The following ARHGAP5 variants were observed in gnomAD, a reference collection of about 807,000 sequenced individuals.
The protein encoded by ARHGAP5 is Rho GTPase activating protein 5, also known as rho GTPase-activating protein 5.
A neutral mutation model predicts 116.6 loss-of-function variants in ARHGAP5; 23 were observed. The ratio of observed to expected loss-of-function variants is 0.20; its 90% confidence interval spans 0.14 to 0.28. ARHGAP5 has a LOEUF of 0.28. Ranked by LOEUF, ARHGAP5 falls within the 10% of genes least tolerant of loss-of-function variation. ARHGAP5 has a pLI of 1.00. For missense variants in ARHGAP5, 1,405 were observed against 1,774.8 expected, an observed-to-expected ratio of 0.79 and a Z score of 3.74; for synonymous variants, 574 against 602.0, an observed-to-expected ratio of 0.95 and a Z score of 0.68.
At chr14:32,077,748 G>C (rs2041723476) in intron 1 of ARHGAP5, among the ~76,000 whole-genome samples, 1 of 152,090 alleles carries the variant, frequency 6.6e-6, no homozygotes, top group African/African-American at 2.4e-5. Context: ...GCCCCGCCAG[G>C]CGTCCGCTCT....
Position 32,094,216 on chromosome 14 carries a change from A to C in ARHGAP5, c.3547A>C (p.Thr1183Pro). ...SDASDDEAFTTSKTKRKGRHR... is the reference protein window; with the variant it reads ...SDASDDEAFTPSKTKRKGRHR... ...TGCCAGTGATGATGAGGCTTTCACC[A>C]CTTCTAAAACAAAAAGAAAAGGAAG... The change falls in exon 2 of 7, where the codon ACT becomes CCT. Residue 1183 changes from threonine to proline, a missense_variant. Thr to Pro is a conservative substitution (Grantham distance 38). This residue lies in a region of ARHGAP5 where 944 missense variants were observed against 1,095.3 expected (regional missense o/e 0.86). Coordinates refer to ENST00000345122, the MANE Select transcript of ARHGAP5 (RefSeq NM_001030055.2). 1 of 1,612,754 alleles carries C rather than the reference A, an allele frequency of 6.2e-7. No individual in the cohort carries two copies. The highest frequency in any genetic ancestry group is 8.5e-7 in the Non-Finnish European group (1 of 1,179,770).
intron 3 of ARHGAP5, among the ~76,000 whole-genome samples, chr14:32,144,839 A>G (rs1421150020): frequency 6.6e-6 from 1 of 151,908 alleles, no homozygotes; most frequent in Non-Finnish European, 1.5e-5. Context: ...GAAACTTCCT[A>G]TTTTTCAAGT....
intron 3 of ARHGAP5, among the ~76,000 whole-genome samples, chr14:32,140,606 ATGT>A (rs2139127444): frequency 6.6e-6 from 1 of 152,228 alleles, no homozygotes; most frequent in Non-Finnish European, 1.5e-5. Flanking sequence ...AGAAAAAAGA[ATGT>A]TGTTTAATTT....
rs1006524051 is a variant in ARHGAP5, at chr14:32,158,955, A to G, written c.*4007A>G. On this transcript the variant is annotated 3_prime_UTR_variant, in exon 7 of 7. Coordinates refer to ENST00000345122, the MANE Select transcript of ARHGAP5 (RefSeq NM_001030055.2). ...TTCAATTGATCCTCATCATTGTCCT[A>G]TTTGCATGACTCCATTTTTTCCTCC... 3.9e-5 allele frequency: 6 copies of G among 151,998 alleles called. No individual in the cohort carries two copies. Among genetic ancestry groups the G allele is most frequent in the African/African-American group, 9.7e-5 (4 of 41,418 alleles). The allele number at this position is 151,998 out of a possible 1,614,324, so 9.4% of individuals were successfully genotyped here. A position where few individuals can be genotyped will look rare whatever the true frequency, so the allele number is the denominator to read the frequency against.
In ARHGAP5 at chr14:32,130,601, C is replaced by A. The variant is rs555960503; in HGVS notation, c.3865+13314C>A. Among the ~76,000 whole-genome samples, 9 of 151,460 alleles carry A rather than the reference C, an allele frequency of 5.9e-5. No homozygotes were observed. The South Asian group carries it at 1.5e-3, about 25-fold the overall frequency. ...TGTCGCCCAGTCTGGAGTGCAGTGG[C>A]GCGATCTCAGCTCACTGCAACCTCC... On this transcript the variant is annotated intron_variant, in intron 3 of 6. Coordinates refer to ENST00000345122, the MANE Select transcript of ARHGAP5 (RefSeq NM_001030055.2).
chr14:32,152,613 C>A, intron 6 of ARHGAP5, 85 bp downstream of exon 6: 1 of 735,132 alleles, frequency 1.4e-6, no homozygotes, highest in Non-Finnish European at 2.2e-6. Context: ...GGATAATTAT[C>A]AGATAGAAAA....
Position 32,112,601 on chromosome 14 carries a change from G to A in ARHGAP5, c.3718-4539G>A, listed in dbSNP as rs375033150. ...AAAAATTGGATTTTCGGTAGGGCGC[G>A]GTGGCTCACGCCTATAATCCCAGCA... On this transcript the variant is annotated intron_variant, in intron 2 of 6. Transcript: ENST00000345122. Among the ~76,000 whole-genome samples the A allele has an allele frequency of 5.3e-5, 8 of 152,248 alleles. No individual in the cohort carries two copies. In the South Asian group the frequency reaches 1.2e-3, roughly 24 times the overall value.
At chr14:32,110,180 G>A (rs909887208) in intron 2 of ARHGAP5, among the ~76,000 whole-genome samples, 5 of 150,440 alleles carry the variant, frequency 3.3e-5, no homozygotes, top group South Asian at 2.1e-4. Context: ...TCCTGCCCTT[G>A]TGTAGAGCTT....
chr14:32,138,572 C>T (rs1880934050), intron 3 of ARHGAP5, among the ~76,000 whole-genome samples: 1 of 152,244 alleles, frequency 6.6e-6, no homozygotes, highest in African/African-American at 2.4e-5. Flanking sequence ...GCGTGAGCCA[C>T]TGCGCCTGGC....
chr14:32,135,906 G>A (rs1401377405), intron 3 of ARHGAP5, among the ~76,000 whole-genome samples: 1 of 152,200 alleles, frequency 6.6e-6, no homozygotes, highest in African/African-American at 2.4e-5. Flanking sequence ...ACTGATGAAT[G>A]TAGGATATGT....
At position 32,093,453 on chromosome 14, in the gene ARHGAP5, T is replaced by G; in HGVS notation, c.2784T>G (p.Thr928=). 1 of 1,613,494 alleles carries G rather than the reference T, an allele frequency of 6.2e-7. No individual in the cohort carries two copies. ...LYSLSQYHRQ[T]EVFTLFFSDV... ...CTTTATCTCAGTATCATCGGCAAAC[T>G]GAGGTCTTTACTCTGTTTTTTAGTG... The change falls in exon 2 of 7, where the codon ACT becomes ACG. Residue 928 remains threonine (T), a synonymous_variant. Transcript: ENST00000345122.
intron 2 of ARHGAP5, among the ~76,000 whole-genome samples, chr14:32,100,893 G>A (rs1878762085): frequency 1.3e-5 from 2 of 152,138 alleles, no homozygotes; most frequent in African/African-American, 4.8e-5. Context: ...AAAATTGCCA[G>A]TTTTGAACAC....
intron 6 of ARHGAP5, 123 bp downstream of exon 6, chr14:32,152,651 AT>A: frequency 2.0e-6 from 1 of 504,786 alleles, no homozygotes. Context: ...ATATAGTTGA[AT>A]TTTGTTTTTC....
chr14:32,145,627 T>C (rs1881338227), intron 3 of ARHGAP5, among the ~76,000 whole-genome samples: 1 of 152,122 alleles, frequency 6.6e-6, no homozygotes, highest in Admixed American at 6.5e-5. Context: ...GTTCTTCAAG[T>C]TTCTAAGTCA....
chr14:32,104,455 G>A (rs1878919914), intron 2 of ARHGAP5, among the ~76,000 whole-genome samples: 1 of 152,104 alleles, frequency 6.6e-6, no homozygotes, highest in Non-Finnish European at 1.5e-5. Flanking sequence ...TTCACCTAGT[G>A]TTAGCATAAA....
chr14:32,152,101 G>A (rs1881661611), intron 5 of ARHGAP5, among the ~76,000 whole-genome samples: 1 of 152,080 alleles, frequency 6.6e-6, no homozygotes, highest in South Asian at 2.1e-4. Flanking sequence ...CCTAGGAGTG[G>A]GAACCCTATT....
intron 2 of ARHGAP5, among the ~76,000 whole-genome samples, chr14:32,108,967 T>G (rs535212308): frequency 5.2e-4 from 79 of 152,302 alleles, no homozygotes; most frequent in Middle Eastern, 3.4e-3. Context: ...TGCTAACTCT[T>G]GGTTTCCATA....
chr14:32,145,477 T>A (rs748660546), intron 3 of ARHGAP5, among the ~76,000 whole-genome samples: 1 of 152,170 alleles, frequency 6.6e-6, no homozygotes, highest in Non-Finnish European at 1.5e-5. Flanking sequence ...TTTTATCTTT[T>A]TGTTTTTGTT....
chr14:32,124,062 C>T (rs114930818), intron 3 of ARHGAP5, among the ~76,000 whole-genome samples: 2,351 of 152,210 alleles, frequency 0.015, 64 homozygotes, highest in African/African-American at 0.052. Flanking sequence ...GTATTCTACC[C>T]CACAAATTCT....
Sources: allele counts gnomAD v4.1 joint callset (sites outside exome capture counted in the v4.1 genomes callset), GRCh38; gene constraint gnomAD v4.1.1; regional missense constraint gnomAD v4.1.1; transcripts MANE v1.5; gene names NCBI Gene and HGNC (gene_info 2026-07-23, HGNC 2026-07-21).